The following WDCP variants were observed in gnomAD, a reference collection of about 807,000 sequenced individuals.
The protein encoded by WDCP is WD repeat and coiled-coil-containing protein.
WDCP carries 19 observed loss-of-function variants against 41.6 expected under a neutral mutation model. That is an observed-to-expected ratio of 0.46 (90% confidence interval 0.32 to 0.67). WDCP has a LOEUF of 0.67. Among genes scored for constraint, WDCP ranks in the 30% least tolerant of loss-of-function variants. The pLI, the probability that WDCP is intolerant of heterozygous loss-of-function variation, is 0.04. For synonymous variants in WDCP, 302 were observed against 320.8 expected (o/e 0.94, Z 0.63); for missense variants, 802 against 850.7 (o/e 0.94, Z 0.71).
At chr2:24,046,980 G>A (rs1012217822) in intron 1 of WDCP, among the ~76,000 whole-genome samples, 1 of 152,120 alleles carries the variant, frequency 6.6e-6, no homozygotes, top group Non-Finnish European at 1.5e-5. Context: ...GCTCCTAGCT[G>A]TACCCAACTT....
intron 3 of WDCP, among the ~76,000 whole-genome samples, chr2:24,031,996 G>C (rs1337559059): frequency 6.6e-6 from 1 of 152,204 alleles, no homozygotes; most frequent in African/African-American, 2.4e-5. Context: ...CAGCTAGGCT[G>C]TAAGTTCCCT....
rs1173100420 is a variant in WDCP at position 24,037,879 on chromosome 2, GGCTCCAGTGT to G, written c.1606_1615del (p.Thr536LeufsTer73). On this transcript the variant is annotated frameshift_variant, in exon 2 of 4. Coordinates refer to ENST00000295148, the MANE Select transcript of WDCP (RefSeq NM_025203.3). LOFTEE classifies it high-confidence loss of function. Reference sequence around the variant, plus strand: ...GTTCTTTCTTTGAGGCAAACGAGGAGGCTCCAGTGTGCTGGTGTGGTCTGGTGTGCTGCTG... The same window carrying G: ...GTTCTTTCTTTGAGGCAAACGAGGAGGCTGGTGTGGTCTGGTGTGCTGCTG... 2.5e-6 allele frequency: 4 copies of G among 1,614,062 alleles called. No individual in the cohort carries two copies. The African/African-American group carries it at 4.0e-5, about 16-fold the overall frequency.
At chr2:24,032,696 A>AATG in intron 3 of WDCP, 133 bp downstream of exon 3, 2 of 664,660 alleles carry the variant, frequency 3.0e-6, no homozygotes, top group Non-Finnish European at 5.5e-6. Flanking sequence ...TAATAATAAT[A>AATG]ATAGATTACT....
intron 1 of WDCP, among the ~76,000 whole-genome samples, chr2:24,046,509 T>G (rs1046111911): frequency 4.5e-4 from 68 of 152,182 alleles, no homozygotes; most frequent in African/African-American, 2.4e-5. Flanking sequence ...GTCAGAAAAC[T>G]AAGAGCCGGT....
chr2:24,038,461 A>G lies in WDCP; in HGVS notation c.1034T>C (p.Ile345Thr). The G allele has an allele frequency of 1.9e-6, 3 of 1,614,250 alleles. No individual in the cohort carries two copies. The highest frequency in any genetic ancestry group is 2.5e-6 in the Non-Finnish European group (3 of 1,180,054). ...TACGTGGGCTTTAAGATTAAATGCT[A>G]TCAGATCAGGAACCAGAATGCCTGG... ...TIPGILVPDL[I>T]AFNLKAHVVA... is the part of the protein sequence containing the mutation. Residue 345 changes from isoleucine to threonine, a missense_variant, in exon 2 of 4, where the codon ATA (isoleucine) becomes ACA (threonine). Physicochemically the swap from Ile to Thr is moderately conservative, Grantham distance 89. Transcript: ENST00000295148.
intron 2 of WDCP, among the ~76,000 whole-genome samples, chr2:24,037,152 A>G (rs1200862403): frequency 1.3e-5 from 2 of 152,166 alleles, no homozygotes; most frequent in Non-Finnish European, 2.9e-5. Context: ...TTTCCCAAGT[A>G]GCTGGGATTA....
intron 1 of WDCP, chr2:24,045,829 A>C (rs1177786864): frequency 6.6e-6 from 1 of 152,036 alleles, no homozygotes; most frequent in African/African-American, 2.4e-5. Context: ...TTTAAAAATG[A>C]GGTGGGTGCT....
In WDCP at chr2:24,038,720, A is replaced by G; in HGVS notation, c.775T>C (p.Ser259Pro). The change falls in exon 2 of 4, where the codon TCT (serine) becomes CCT (proline). Residue 259 changes from serine to proline, a missense_variant. This residue lies in a region of WDCP where 247 missense variants were observed against 240.5 expected (regional missense o/e 1.03). Transcript: ENST00000295148. Reference sequence around the variant, plus strand: ...GAATCAGTTGCCTCTTTATCCATAGAGCGTACTTCACCAATAACTGGTAAA... The same window carrying G: ...GAATCAGTTGCCTCTTTATCCATAGGGCGTACTTCACCAATAACTGGTAAA... ...YALPVIGEVRSMDKEATDSET... is the reference protein window; with the variant it reads ...YALPVIGEVRPMDKEATDSET... The G allele has an allele frequency of 1.2e-6, 2 of 1,614,200 alleles. No homozygotes were observed. Among genetic ancestry groups the G allele is most frequent in the Non-Finnish European group, 1.7e-6 (2 of 1,180,024 alleles).
chr2:24,036,704 CTAAA>C (rs1663268003), intron 2 of WDCP, among the ~76,000 whole-genome samples: 1 of 152,294 alleles, frequency 6.6e-6, no homozygotes, highest in East Asian at 1.9e-4. Flanking sequence ...AAGGGAATGG[CTAAA>C]TAAAGAGCAT....
chr2:24,031,960 T>C (rs1250647494), intron 3 of WDCP, among the ~76,000 whole-genome samples: 2 of 152,262 alleles, frequency 1.3e-5, no homozygotes, highest in East Asian at 1.9e-4. Flanking sequence ...CTTTTCTTAT[T>C]TTTTCATATG....
rs200495379 is a variant in WDCP, at chr2:24,038,133, C to A, written c.1362G>T (p.Pro454=). 8 of 1,614,016 alleles carry A rather than the reference C, an allele frequency of 5.0e-6. No homozygotes were observed. Among genetic ancestry groups the A allele is most frequent in the Non-Finnish European group, 6.8e-6 (8 of 1,180,012 alleles). ...SQTTYSTFSA[P]LNKANRKKLI... ...ACTTTTTTCTATTTGCTTTATTTAACGGAGCACTGAAAGTAGAGTAGGTAG... is the reference window on the plus strand; with the variant it reads ...ACTTTTTTCTATTTGCTTTATTTAAAGGAGCACTGAAAGTAGAGTAGGTAG... Residue 454 remains proline (P), a synonymous_variant, in exon 2 of 4, where the codon CCG becomes CCT. Coordinates refer to ENST00000295148, the MANE Select transcript of WDCP (RefSeq NM_025203.3).
chr2:24,040,280 A>T (rs944423088), intron 1 of WDCP, among the ~76,000 whole-genome samples: 1 of 152,238 alleles, frequency 6.6e-6, no homozygotes. Flanking sequence ...AAGAAAACAA[A>T]TGTAGCAAAA....
intron 2 of WDCP, among the ~76,000 whole-genome samples, chr2:24,033,604 G>C (rs1243492497): frequency 6.6e-6 from 1 of 151,998 alleles, no homozygotes; most frequent in African/African-American, 2.4e-5. Context: ...AGCCAGGCAT[G>C]GTGGTACACA....
chr2:24,039,598 C>G, intron 1 of WDCP, 86 bp from the exon 2 acceptor site: 10 of 1,202,378 alleles, frequency 8.3e-6, no homozygotes, highest in Non-Finnish European at 1.2e-5. Flanking sequence ...ACGGCTTAGC[C>G]CCTTCCCAGG....
At chr2:24,032,214 A>AT (rs1426289931) in intron 3 of WDCP, among the ~76,000 whole-genome samples, 1 of 151,860 alleles carries the variant, frequency 6.6e-6, no homozygotes, top group Non-Finnish European at 1.5e-5. Context: ...ATCTACAAAC[A>AT]TTTTTTTTAA....
chr2:24,036,571 T>C (rs1419997905), intron 2 of WDCP, among the ~76,000 whole-genome samples: 1 of 152,220 alleles, frequency 6.6e-6, no homozygotes, highest in Non-Finnish European at 1.5e-5. Flanking sequence ...AATTTGCATT[T>C]CTACTTCTGG....
intron 1 of WDCP, among the ~76,000 whole-genome samples, chr2:24,040,777 G>C (rs895778592): frequency 1.3e-5 from 2 of 152,246 alleles, no homozygotes; most frequent in Non-Finnish European, 2.9e-5. Context: ...AGTACTTTGG[G>C]AGGCTGAGAC....
Position 24,029,370 on chromosome 2 carries a change from G to C in WDCP, c.*1563C>G, listed in dbSNP as rs775313837. ...AATAACCATTAGTGATTTTATTGAA[G>C]ACTTATTCACAGTATTTTGACCTGA... is the stretch of plus-strand genomic sequence containing the variant. On this transcript the variant is annotated 3_prime_UTR_variant, in exon 4 of 4. Transcript: ENST00000295148. 7 of 152,186 alleles carry C rather than the reference G, an allele frequency of 4.6e-5. No individual in the cohort carries two copies. Among genetic ancestry groups the C allele is most frequent in the Non-Finnish European group, 8.8e-5 (6 of 68,044 alleles). 9.4% of individuals were successfully genotyped at this position (152,186 alleles called of 1,614,324 possible). A position where few individuals can be genotyped will look rare whatever the true frequency, so the allele number is the denominator to read the frequency against.
rs1663319028 is a variant in WDCP, at chr2:24,038,307, G to A, written c.1188C>T (p.Asp396=). The part of the protein sequence containing the change: ...ERPKGICFLT[D]QLLLILVGKQ... ...TTCCTACCAAAATTAGTAATAGTTGGTCTGTCAAGAAACATATCCCTTTTG... is the reference window on the plus strand; with the variant it reads ...TTCCTACCAAAATTAGTAATAGTTGATCTGTCAAGAAACATATCCCTTTTG... The change falls in exon 2 of 4, where the codon GAC becomes GAT. Residue 396 remains aspartate, a synonymous_variant. Coordinates refer to ENST00000295148, the MANE Select transcript of WDCP (RefSeq NM_025203.3). The A allele has an allele frequency of 5.0e-6, 8 of 1,614,186 alleles. No individual in the cohort carries two copies. Among genetic ancestry groups the A allele is most frequent in the Non-Finnish European group, 5.9e-6 (7 of 1,180,030 alleles).
Sources: allele counts gnomAD v4.1 joint callset (sites outside exome capture counted in the v4.1 genomes callset), GRCh38; gene constraint gnomAD v4.1.1; regional missense constraint gnomAD v4.1.1; transcripts MANE v1.5; gene names NCBI Gene and HGNC (gene_info 2026-07-23, HGNC 2026-07-21).